Variants in ARHGAP24 observed in about 807,000 individuals in gnomAD.
The protein encoded by ARHGAP24 is rho GTPase-activating protein 24.
In ARHGAP24, 50 loss-of-function variants were observed where a neutral mutation model predicts 76.4. The ratio of observed to expected loss-of-function variants is 0.65; its 90% CI spans 0.52 to 0.83. The LOEUF is 0.83. Among genes scored for constraint, ARHGAP24 ranks in the 40% least tolerant of loss-of-function variants. The probability of loss-of-function intolerance (pLI) is 0.00; values close to 1 mark genes in which losing one functional copy is unlikely to be tolerated. For missense variants in ARHGAP24, 930 were observed against 914.2 expected, an observed-to-expected ratio of 1.02 and a Z score of -0.22; for synonymous variants, 345 against 323.3, an observed-to-expected ratio of 1.07 and a Z score of -0.72.
chr4:85,561,460 A>G (rs772916543), intron 1 of ARHGAP24, among the ~76,000 whole-genome samples: 5 of 152,218 alleles, frequency 3.3e-5, no homozygotes, highest in East Asian at 1.9e-4. Context: ...AAAAGGTGGT[A>G]TGGTGGAGAG....
At chr4:85,670,938 A>G (rs1304234657) in intron 2 of ARHGAP24, among the ~76,000 whole-genome samples, 1 of 152,164 alleles carries the variant, frequency 6.6e-6, no homozygotes, top group African/African-American at 2.4e-5. Context: ...GACCTACAAA[A>G]TTGGAAATCT....
At chr4:85,510,115 G>C (rs1288933120) in intron 1 of ARHGAP24, among the ~76,000 whole-genome samples, 1 of 152,168 alleles carries the variant, frequency 6.6e-6, no homozygotes, top group East Asian at 1.9e-4. Flanking sequence ...TCTTAAAAGG[G>C]ACTCTTCAAA....
intron 1 of ARHGAP24, among the ~76,000 whole-genome samples, chr4:85,504,685 G>A (rs1462389779): frequency 1.3e-5 from 2 of 151,904 alleles, no homozygotes; most frequent in African/African-American, 2.4e-5. Flanking sequence ...TTTGCCAGTT[G>A]GTGTCTTTTA....
chr4:85,560,764 C>A (rs1253494736), intron 1 of ARHGAP24, among the ~76,000 whole-genome samples: 1 of 152,152 alleles, frequency 6.6e-6, no homozygotes, highest in East Asian at 1.9e-4. Context: ...TCCAGTGAGA[C>A]AAATGGCAAT....
At position 85,721,950 on chromosome 4, in the gene ARHGAP24, G is replaced by C. The variant is rs1724960964; in HGVS notation, c.246G>C (p.Lys82Asn). Residue 82 changes from lysine (K) to asparagine (N), a missense_variant, in exon 3 of 10, where the codon AAG (lysine) becomes AAC (asparagine). Coordinates refer to ENST00000395184, the MANE Select transcript of ARHGAP24 (RefSeq NM_001025616.3). The stretch of plus-strand genomic sequence containing the variant: ...CCTGCAATGAAGAGAACCCAGGGAA[G>C]TTCCTTTTTGAAGTAGTTCCAGGTA... ...EHPCNEENPG[K>N]FLFEVVPGGD... 1.9e-6 allele frequency: 3 copies of C among 1,613,418 alleles called. No individual in the cohort carries two copies. The South Asian group carries it at 3.3e-5, about 18-fold the overall frequency.
chr4:85,614,732 C>A (rs1720492590), intron 2 of ARHGAP24, among the ~76,000 whole-genome samples: 1 of 151,892 alleles, frequency 6.6e-6, no homozygotes, highest in South Asian at 2.1e-4. Flanking sequence ...TATGTAATGG[C>A]CCAGGGTGAA....
intron 3 of ARHGAP24, among the ~76,000 whole-genome samples, chr4:85,894,942 C>T (rs1398092005): frequency 1.3e-5 from 1 of 77,874 alleles, no homozygotes; most frequent in Non-Finnish European, 2.3e-5. Flanking sequence ...GCCTGGGCAA[C>T]AGAATGAGAC....
At chr4:85,563,920 C>A (rs1343715672) in intron 1 of ARHGAP24, among the ~76,000 whole-genome samples, 2 of 152,118 alleles carry the variant, frequency 1.3e-5, no homozygotes, top group Non-Finnish European at 2.9e-5. Flanking sequence ...ATTTAGGACA[C>A]TAAAAGAGTT....
intron 4 of ARHGAP24, among the ~76,000 whole-genome samples, chr4:85,934,896 A>G (rs1736543703): frequency 6.6e-6 from 1 of 152,210 alleles, no homozygotes; most frequent in African/African-American, 2.4e-5. Context: ...ACGCGTTTGT[A>G]GTATACACAC....
chr4:85,979,610 G>A (rs529571383), intron 8 of ARHGAP24, among the ~76,000 whole-genome samples: 1 of 152,096 alleles, frequency 6.6e-6, no homozygotes, highest in South Asian at 2.1e-4. Flanking sequence ...TTAGCATAAT[G>A]TCCTCAAGGT....
chr4:85,995,076 G>T lies in ARHGAP24; in HGVS notation c.1422G>T (p.Thr474=), dbSNP rs750857609. The T allele has an allele frequency of 8.1e-6, 13 of 1,613,902 alleles. No homozygotes were observed. The highest frequency in any genetic ancestry group is 1.1e-5 in the Non-Finnish European group (13 of 1,180,014). The change falls in exon 9 of 10, where the codon ACG becomes ACT. Residue 474 remains threonine, a synonymous_variant. Transcript: ENST00000395184. ...AGGTATCTGGTACCAAAATGGGCAC[G>T]CACAGTGTACAGAATGGAACGGTGC... The part of the protein sequence containing the change: ...SLKVSGTKMG[T]HSVQNGTVRM...
At chr4:85,746,460 T>A (rs7696560) in intron 3 of ARHGAP24, among the ~76,000 whole-genome samples, 11,442 of 152,290 alleles carry the variant, frequency 0.075, 499 homozygotes, top group Middle Eastern at 0.1. Context: ...AAGCATTTTT[T>A]CTTATACTAG....
At position 85,750,045 on chromosome 4, in the gene ARHGAP24, G is replaced by A. The variant is rs1023607643; in HGVS notation, c.268+28073G>A. Among the ~76,000 whole-genome samples the A allele has an allele frequency of 1.1e-4, 16 of 152,068 alleles. No homozygotes were observed. In the East Asian group the frequency reaches 1.9e-3, roughly 18 times the overall value. On this transcript the variant is annotated intron_variant, in intron 3 of 9. Coordinates refer to ENST00000395184, the MANE Select transcript of ARHGAP24 (RefSeq NM_001025616.3). ...AGACATCCATCCACCTGCCCCTCACGTACTGTGCCTGGCACTGTTCTAGAC... is the reference window on the plus strand; with the variant it reads ...AGACATCCATCCACCTGCCCCTCACATACTGTGCCTGGCACTGTTCTAGAC...
Position 85,995,102 on chromosome 4 carries a change from G to A in ARHGAP24, c.1448G>A (p.Arg483His), listed in dbSNP as rs116009088. 3.5e-5 allele frequency: 57 copies of A among 1,613,996 alleles called. No individual in the cohort carries two copies. The Middle Eastern group carries it at 4.9e-4, about 14-fold the overall frequency. Residue 483 changes from arginine (R) to histidine (H), a missense_variant, in exon 9 of 10, where the codon CGC (arginine) becomes CAC (histidine). Physicochemically the swap from Arg to His is conservative, Grantham distance 29 (BLOSUM62 0). Coordinates refer to ENST00000395184, the MANE Select transcript of ARHGAP24 (RefSeq NM_001025616.3). ...GTHSVQNGTV[R>H]MGILNSDTLG... ...CACAGTGTACAGAATGGAACGGTGCGCATGGGCATTTTGAACAGCGACACA... is the reference window on the plus strand; with the variant it reads ...CACAGTGTACAGAATGGAACGGTGCACATGGGCATTTTGAACAGCGACACA...
At chr4:85,604,196 T>G (rs1397844433) in intron 2 of ARHGAP24, 1 of 152,230 alleles carries the variant, frequency 6.6e-6, no homozygotes, top group Non-Finnish European at 1.5e-5. Flanking sequence ...CTGTGGTGAC[T>G]ACAGTAATGT....
At chr4:85,863,477 A>G (rs986993216) in intron 3 of ARHGAP24, among the ~76,000 whole-genome samples, 4 of 152,084 alleles carry the variant, frequency 2.6e-5, no homozygotes, top group African/African-American at 9.7e-5. Context: ...AGTCAAAGGC[A>G]AGGTCTACTT....
chr4:85,720,420 C>G (rs1724887742), intron 2 of ARHGAP24, among the ~76,000 whole-genome samples: 1 of 152,098 alleles, frequency 6.6e-6, no homozygotes, highest in Non-Finnish European at 1.5e-5. Flanking sequence ...ATATTTCTGG[C>G]TTTTGCAACT....
At chr4:85,651,326 G>A (rs185424271) in intron 2 of ARHGAP24, among the ~76,000 whole-genome samples, 1 of 149,260 alleles carries the variant, frequency 6.7e-6, no homozygotes, top group African/African-American at 2.6e-5. Context: ...AGATCGATAA[G>A]GAGACTAATT....
At chr4:85,515,670 G>T (rs1724470481) in intron 1 of ARHGAP24, among the ~76,000 whole-genome samples, 1 of 151,784 alleles carries the variant, frequency 6.6e-6, no homozygotes, top group Non-Finnish European at 1.5e-5. Flanking sequence ...GTGTATCCTA[G>T]TTTTTTTCTG....
Sources: allele counts gnomAD v4.1 joint callset (sites outside exome capture counted in the v4.1 genomes callset), GRCh38; gene constraint gnomAD v4.1.1; transcripts MANE v1.5; gene names NCBI Gene and HGNC (gene_info 2026-07-23, HGNC 2026-07-21).